The following SEMA5A variants were observed in gnomAD, a reference collection of about 807,000 sequenced individuals.
SEMA5A encodes the protein semaphorin 5A, also known as semaphorin-5A.
SEMA5A carries 55 observed loss-of-function variants against 135.5 expected under a neutral mutation model. That is an observed-to-expected ratio of 0.41 (90% confidence interval 0.33 to 0.51). The LOEUF is 0.51. Ranked by LOEUF, SEMA5A falls within the 20% of genes least tolerant of loss-of-function variation. The pLI is 0.37. For synonymous variants in SEMA5A, 580 were observed against 546.5 expected, an observed-to-expected ratio of 1.06 and a Z score of -0.85; for missense variants, 1,290 against 1,419.9, an observed-to-expected ratio of 0.91 and a Z score of 1.47.
chr5:9,109,908 A>T (rs972453569), intron 15 of SEMA5A, among the ~76,000 whole-genome samples: 3 of 152,190 alleles, frequency 2.0e-5, no homozygotes, highest in African/African-American at 7.2e-5. Flanking sequence ...TGGAGAGTGT[A>T]GTTTCCTGAC....
At chr5:9,202,476 C>T (rs1011760818) in intron 8 of SEMA5A, among the ~76,000 whole-genome samples, 5 of 152,180 alleles carry the variant, frequency 3.3e-5, no homozygotes, top group African/African-American at 1.2e-4. Context: ...ACTCAAGTAT[C>T]CCGAGCTAAA....
intron 2 of SEMA5A, among the ~76,000 whole-genome samples, chr5:9,386,093 C>G (rs1324750086): frequency 1.3e-5 from 2 of 152,160 alleles, no homozygotes; most frequent in Non-Finnish European, 1.5e-5. Context: ...AGCCATCACG[C>G]CCAGCTGGAA....
intron 16 of SEMA5A, among the ~76,000 whole-genome samples, chr5:9,098,573 C>A (rs1739454737): frequency 6.6e-6 from 1 of 152,182 alleles, no homozygotes; most frequent in South Asian, 2.1e-4. Context: ...TCTAGAGAGT[C>A]ACTCTTAATT....
At chr5:9,543,585 C>T (rs879111470) in intron 1 of SEMA5A, among the ~76,000 whole-genome samples, 1 of 152,092 alleles carries the variant, frequency 6.6e-6, no homozygotes, top group Non-Finnish European at 1.5e-5. Flanking sequence ...TCACAAAAGA[C>T]ATAAAATGAT....
intron 1 of SEMA5A, among the ~76,000 whole-genome samples, chr5:9,445,532 G>C (rs1426752756): frequency 2.6e-5 from 4 of 152,116 alleles, no homozygotes; most frequent in Non-Finnish European, 4.4e-5. Context: ...AGCCGGGTGT[G>C]GTGGCGGGTG....
intron 5 of SEMA5A, among the ~76,000 whole-genome samples, chr5:9,316,015 T>C (rs1356384187): frequency 6.6e-6 from 1 of 152,220 alleles, no homozygotes; most frequent in African/African-American, 2.4e-5. Flanking sequence ...CATAATCTCC[T>C]AATCAAATTA....
chr5:9,289,620 G>T (rs1207283458), intron 5 of SEMA5A, among the ~76,000 whole-genome samples: 1 of 151,924 alleles, frequency 6.6e-6, no homozygotes, highest in Non-Finnish European at 1.5e-5. Context: ...AGACGAGATT[G>T]CGCCACTGCA....
Position 9,474,211 on chromosome 5 carries a change from ATCTTACG to A in SEMA5A, c.-174-36366_-174-36360del, listed in dbSNP as rs557933452. Among the ~76,000 whole-genome samples, 16 of 152,280 alleles carry A rather than the reference ATCTTACG, an allele frequency of 1.1e-4. No individual in the cohort carries two copies. In the South Asian group the frequency reaches 3.1e-3, roughly 30 times the overall value. ...ATCAGATTGATCAGTGAGAGAAAGG[ATCTTACG>A]TGGAGTCCGAGCATCCCAAAGAAGG... On this transcript the variant is annotated intron_variant, in intron 1 of 22. Transcript: ENST00000382496.
chr5:9,293,979 T>A (rs780278823), intron 5 of SEMA5A, among the ~76,000 whole-genome samples: 2 of 152,212 alleles, frequency 1.3e-5, no homozygotes, highest in Non-Finnish European at 2.9e-5. Context: ...TTATTCTCCA[T>A]GACTTATCAC....
intron 5 of SEMA5A, among the ~76,000 whole-genome samples, chr5:9,282,596 G>T (rs1255477419): frequency 6.6e-6 from 1 of 151,948 alleles, no homozygotes; most frequent in Non-Finnish European, 1.5e-5. Flanking sequence ...ACTTTTTCTA[G>T]AAAATAAGAA....
chr5:9,091,365 T>C (rs2150124573), intron 16 of SEMA5A, among the ~76,000 whole-genome samples: 1 of 152,272 alleles, frequency 6.6e-6, no homozygotes, highest in East Asian at 1.9e-4. Flanking sequence ...GATGTACCCA[T>C]GGGGTACATC....
At chr5:9,233,087 T>C (rs1195797989) in intron 6 of SEMA5A, among the ~76,000 whole-genome samples, 1 of 152,204 alleles carries the variant, frequency 6.6e-6, no homozygotes, top group Non-Finnish European at 1.5e-5. Flanking sequence ...ACCCTCCCAC[T>C]AACTAGCAAA....
chr5:9,218,243 C>A (rs952781371), intron 8 of SEMA5A, among the ~76,000 whole-genome samples: 1 of 152,126 alleles, frequency 6.6e-6, no homozygotes, highest in Admixed American at 6.5e-5. Context: ...GAATAAATTT[C>A]TATTGTTTTG....
At chr5:9,230,392 C>A (rs1747563426) in intron 6 of SEMA5A, among the ~76,000 whole-genome samples, 1 of 151,998 alleles carries the variant, frequency 6.6e-6, no homozygotes, top group African/African-American at 2.4e-5. Flanking sequence ...AACCATGGTG[C>A]AGCAGTGTGC....
At chr5:9,507,127 A>C (rs1229710252) in intron 1 of SEMA5A, among the ~76,000 whole-genome samples, 1 of 152,202 alleles carries the variant, frequency 6.6e-6, no homozygotes, top group Non-Finnish European at 1.5e-5. Flanking sequence ...GTTTCATTGC[A>C]ATTAGGTTTA....
rs369262939 is a variant in SEMA5A, at chr5:9,184,397, T to C, written c.1273+5870A>G. On this transcript the variant is annotated intron_variant, in intron 11 of 22. Coordinates refer to ENST00000382496, the MANE Select transcript of SEMA5A (RefSeq NM_003966.3). The stretch of plus-strand genomic sequence containing the variant: ...TGAAATTTGCAGACTCAATTCTTCC[T>C]TTATTGCAGGGTAATTTTCTCCAAT... 5.3e-5 allele frequency among the ~76,000 whole-genome samples: 8 copies of C among 152,312 alleles called. 1 individual carries two copies. The East Asian group carries it at 1.4e-3, about 26-fold the overall frequency.
At position 9,546,026 on chromosome 5, in the gene SEMA5A, G is replaced by C. The variant is rs939215555; in HGVS notation, c.-617C>G. The C allele has an allele frequency of 1.3e-5, 2 of 152,150 alleles. No homozygotes were observed. The highest frequency in any genetic ancestry group is 4.8e-5 in the African/African-American group (2 of 41,428). The allele number at this position is 152,150 out of a possible 1,614,324, so 9.4% of individuals were successfully genotyped here. ...CCCGCGGCGGGAAAGCAGCGCTCGGGAGCGGGCTCAGGGAGAGCAGCCGCC... is the reference window on the plus strand; with the variant it reads ...CCCGCGGCGGGAAAGCAGCGCTCGGCAGCGGGCTCAGGGAGAGCAGCCGCC... On this transcript the variant is annotated 5_prime_UTR_variant, in exon 1 of 23. Transcript: ENST00000382496.
At chr5:9,444,475 A>C (rs1432108480) in intron 1 of SEMA5A, among the ~76,000 whole-genome samples, 1 of 152,232 alleles carries the variant, frequency 6.6e-6, no homozygotes, top group African/African-American at 2.4e-5. Flanking sequence ...TCCACTTAGA[A>C]TAATAGACTC....
At chr5:9,196,766 G>A (rs918179605) in intron 10 of SEMA5A, among the ~76,000 whole-genome samples, 17 of 152,106 alleles carry the variant, frequency 1.1e-4, no homozygotes, top group East Asian at 1.9e-4. Flanking sequence ...GCCAATTAGC[G>A]CTCTAATCCT....
Sources: gnomAD v4.1 joint callset for allele counts (sites outside exome capture counted in the v4.1 genomes callset) on GRCh38, gnomAD v4.1.1 for gene constraint, MANE v1.5 for transcripts, NCBI Gene and HGNC (gene_info 2026-07-23, HGNC 2026-07-21) for gene names.